LRRC7: variants seen among roughly 807,000 people sequenced by gnomAD.
LRRC7 encodes the protein leucine rich repeat containing 7.
In LRRC7, 23 loss-of-function variants were observed where a neutral mutation model predicts 175.7. The observed-to-expected ratio is 0.13, with a 90% confidence interval of 0.09 to 0.19. The LOEUF (loss-of-function observed/expected upper bound fraction) is 0.19, where lower values mean the gene tolerates loss of function less well. LRRC7 is among the 10% of genes least tolerant of loss of function. The pLI is 1.00. For synonymous variants in LRRC7, 685 were observed against 680.9 expected (o/e 1.01, Z -0.09); for missense variants, 1,354 against 1,904.7 (o/e 0.71, Z 5.38).
intron 8 of LRRC7, among the ~76,000 whole-genome samples, chr1:69,974,957 A>G (rs368989334): frequency 1.3e-5 from 2 of 152,226 alleles, no homozygotes; most frequent in African/African-American, 4.8e-5. Context: ...TGTAAACTTC[A>G]TCAAATTATT....
At chr1:69,904,819 C>G (rs561518519) in intron 7 of LRRC7, among the ~76,000 whole-genome samples, 2 of 152,270 alleles carry the variant, frequency 1.3e-5, no homozygotes, top group Admixed American at 1.3e-4. Flanking sequence ...TTCTCACCCT[C>G]CTCCCACACA....
At chr1:69,902,504 G>T (rs1646163400) in intron 7 of LRRC7, among the ~76,000 whole-genome samples, 1 of 152,162 alleles carries the variant, frequency 6.6e-6, no homozygotes, top group South Asian at 2.1e-4. Flanking sequence ...CCAGGAGGTG[G>T]AGGTTGCAGT....
At chr1:69,712,810 T>C (rs543371766) in intron 2 of LRRC7, among the ~76,000 whole-genome samples, 11 of 152,300 alleles carry the variant, frequency 7.2e-5, no homozygotes, top group Non-Finnish European at 1.0e-4. Flanking sequence ...TTCTCTTGTA[T>C]GAAGGAGTGG....
Position 69,928,540 on chromosome 1 carries a change from G to A in LRRC7, c.648-2967G>A, listed in dbSNP as rs2421312. On this transcript the variant is annotated intron_variant, in intron 7 of 26. Coordinates refer to ENST00000651989, the MANE Select transcript of LRRC7 (RefSeq NM_001370785.2). ...GCGCCCCTCCCCCAGCGTTGCTGCCGCCTTGCAGTTTGATCTCAGACTGCT... is the reference window on the plus strand; with the variant it reads ...GCGCCCCTCCCCCAGCGTTGCTGCCACCTTGCAGTTTGATCTCAGACTGCT... 8.5e-3 allele frequency among the ~76,000 whole-genome samples: 1,295 copies of A among 152,308 alleles called. 13 individuals are homozygous for A. Among genetic ancestry groups the A allele is most frequent in the African/African-American group, 0.027 (1,132 of 41,556 alleles).
chr1:70,002,799 TAC>T (rs1046426551), intron 11 of LRRC7, among the ~76,000 whole-genome samples: 17 of 152,164 alleles, frequency 1.1e-4, no homozygotes, highest in Non-Finnish European at 2.2e-4. Flanking sequence ...AATAAATTAT[TAC>T]AGTCATTATT....
rs1666422083 is a variant in LRRC7 at position 70,125,783 on chromosome 1, C to A, written c.*3896C>A. ...CTCCAGCCTGGGCGACAGAGCGAGA[C>A]TCCGTCTCAAAAAAAAAAAAAAAAA... On this transcript the variant is annotated 3_prime_UTR_variant, in exon 27 of 27. Coordinates refer to ENST00000651989, the MANE Select transcript of LRRC7 (RefSeq NM_001370785.2). Among the ~76,000 whole-genome samples, 1 of 81,342 alleles carries A rather than the reference C, an allele frequency of 1.2e-5. No homozygotes were observed. The highest frequency in any genetic ancestry group is 2.2e-5 in the Non-Finnish European group (1 of 46,174). 53.4% of individuals were successfully genotyped at this position (81,342 alleles called of 152,430 possible).
chr1:69,600,983 T>C (rs1647046470), intron 1 of LRRC7, among the ~76,000 whole-genome samples: 1 of 152,000 alleles, frequency 6.6e-6, no homozygotes, highest in East Asian at 1.9e-4. Flanking sequence ...GCCCGGCTAA[T>C]TTTTGTACTT....
chr1:69,745,041 G>T (rs375268564), intron 2 of LRRC7, among the ~76,000 whole-genome samples: 11 of 151,892 alleles, frequency 7.2e-5, no homozygotes, highest in African/African-American at 2.7e-4. Context: ...CGCTGTGCTG[G>T]AACTCTACCT....
intron 1 of LRRC7, among the ~76,000 whole-genome samples, chr1:69,659,132 C>T (rs1657068157): frequency 6.6e-6 from 1 of 152,028 alleles, no homozygotes; most frequent in Non-Finnish European, 1.5e-5. Context: ...TCTCTCCCCA[C>T]ACTCAAATGT....
intron 15 of LRRC7, chr1:70,020,796 T>C: frequency 3.1e-6 from 1 of 318,536 alleles, no homozygotes; most frequent in Non-Finnish European, 5.5e-6. Context: ...GAATACTGAA[T>C]TTGAGTTAAG....
chr1:69,648,262 A>G (rs1471705571), intron 1 of LRRC7, among the ~76,000 whole-genome samples: 3 of 152,168 alleles, frequency 2.0e-5, no homozygotes, highest in African/African-American at 7.2e-5. Context: ...TAAATTAACT[A>G]TTATTAATTT....
At chr1:69,888,808 G>C (rs1162366948) in intron 7 of LRRC7, among the ~76,000 whole-genome samples, 1 of 152,070 alleles carries the variant, frequency 6.6e-6, no homozygotes, top group Non-Finnish European at 1.5e-5. Context: ...GCCCAAAGGA[G>C]ACAAACTTGC....
intron 1 of LRRC7, among the ~76,000 whole-genome samples, chr1:69,578,826 A>C (rs1354651203): frequency 6.8e-6 from 1 of 147,658 alleles, no homozygotes; most frequent in Non-Finnish European, 1.5e-5. Flanking sequence ...TAGCATTAGG[A>C]GATATACCTA....
chr1:69,613,417 A>G (rs1451812441), intron 1 of LRRC7, among the ~76,000 whole-genome samples: 3 of 151,970 alleles, frequency 2.0e-5, no homozygotes, highest in African/African-American at 7.2e-5. Flanking sequence ...GGGGGTGAGG[A>G]TTTCAACATA....
intron 3 of LRRC7, among the ~76,000 whole-genome samples, chr1:69,768,685 T>A (rs1671893078): frequency 6.6e-6 from 1 of 152,196 alleles, no homozygotes; most frequent in Non-Finnish European, 1.5e-5. Flanking sequence ...CATATCTGCA[T>A]ATGCATAAAA....
chr1:69,999,375 G>A (rs1444004792), intron 11 of LRRC7, among the ~76,000 whole-genome samples: 1 of 152,122 alleles, frequency 6.6e-6, no homozygotes, highest in Non-Finnish European at 1.5e-5. Context: ...CTTATTGAAA[G>A]CTGCTCATTC....
chr1:69,606,813 C>T (rs1417137469), intron 1 of LRRC7: 1 of 152,038 alleles, frequency 6.6e-6, no homozygotes, highest in African/African-American at 2.4e-5. Flanking sequence ...AGCATCATTG[C>T]ATTTGGTTAA....
intron 3 of LRRC7, among the ~76,000 whole-genome samples, chr1:69,763,984 T>C (rs1263466970): frequency 6.6e-6 from 1 of 151,988 alleles, no homozygotes; most frequent in Admixed American, 6.6e-5. Flanking sequence ...AGATGTTATG[T>C]AATACAATGG....
chr1:69,687,924 G>T (rs1177219341), intron 2 of LRRC7, among the ~76,000 whole-genome samples: 1 of 152,098 alleles, frequency 6.6e-6, no homozygotes, highest in South Asian at 2.1e-4. Context: ...ATAACTCAAG[G>T]ATGGTTTTAT....
Sources: allele counts gnomAD v4.1 joint callset (sites outside exome capture counted in the v4.1 genomes callset), GRCh38; gene constraint gnomAD v4.1.1; transcripts MANE v1.5; gene names NCBI Gene and HGNC (gene_info 2026-07-23, HGNC 2026-07-21).